The following MACF1 variants were observed in gnomAD, a reference collection of about 807,000 sequenced individuals.
MACF1 encodes the protein microtubule actin crosslinking factor 1, also known as microtubule-actin cross-linking factor 1.
A neutral mutation model predicts 854.8 loss-of-function variants in MACF1; 193 were observed. That is an observed-to-expected ratio of 0.23 (90% confidence interval 0.20 to 0.25). The LOEUF (loss-of-function observed/expected upper bound fraction) is 0.25. Ranked by LOEUF, MACF1 falls within the 10% of genes least tolerant of loss-of-function variation. The pLI is 1.00. For synonymous variants in MACF1, 3,185 were observed against 3,226.7 expected, an observed-to-expected ratio of 0.99 and a Z score of 0.44; for missense variants, 7,722 against 8,929.1, an observed-to-expected ratio of 0.86 and a Z score of 5.45.
intron 85 of MACF1, among the ~76,000 whole-genome samples, chr1:39,451,647 C>T (rs970867785): frequency 1.3e-5 from 2 of 152,002 alleles, no homozygotes; most frequent in Non-Finnish European, 2.9e-5. Flanking sequence ...TATGTAATAT[C>T]CTCCTGTTTC....
intron 50 of MACF1, among the ~76,000 whole-genome samples, chr1:39,368,988 C>T (rs1648985570): frequency 6.7e-6 from 1 of 148,300 alleles, no homozygotes; most frequent in Admixed American, 6.8e-5. Flanking sequence ...GTGATGTTGG[C>T]AGTCCCCTGG....
intron 66 of MACF1, 54 bp from the exon 67 acceptor site, chr1:39,432,481 T>C (rs1306645751): frequency 1.1e-5 from 18 of 1,567,608 alleles, no homozygotes; most frequent in East Asian, 4.5e-5. Flanking sequence ...ATTGCAGTTA[T>C]GTGGAGACTT....
intron 2 of MACF1, among the ~76,000 whole-genome samples, chr1:39,086,125 G>A (rs748677660): frequency 3.3e-5 from 5 of 152,198 alleles, no homozygotes; most frequent in African/African-American, 4.8e-5. Context: ...TTGAGCCCCC[G>A]AGGGCTGCAC....
At chr1:39,162,198 C>T (rs1250506711) in intron 2 of MACF1, among the ~76,000 whole-genome samples, 1 of 152,024 alleles carries the variant, frequency 6.6e-6, no homozygotes, top group East Asian at 1.9e-4. Flanking sequence ...GATGGGGTTT[C>T]GCCATGTTGG....
intron 6 of MACF1, among the ~76,000 whole-genome samples, chr1:39,259,283 C>CT (rs577809679): frequency 1.3e-4 from 19 of 151,204 alleles, no homozygotes; most frequent in Non-Finnish European, 2.1e-4. Context: ...AATTAATTTC[C>CT]TTTTTTTTTG....
At chr1:39,375,466 T>C (rs1217430234) in intron 52 of MACF1, among the ~76,000 whole-genome samples, 1 of 152,100 alleles carries the variant, frequency 6.6e-6, no homozygotes, top group African/African-American at 2.4e-5. Flanking sequence ...CACGCCTGGC[T>C]AATTTTTTGT....
chr1:39,231,216 C>T lies in MACF1; in HGVS notation c.144C>T (p.Thr48=). ...ERDRVQKKTF[T]KWVNKHLMKV... The stretch of plus-strand genomic sequence containing the variant: ...ACCGGGTTCAGAAGAAAACGTTCAC[C>T]AAGTGGGTCAACAAGCACTTAATGA... Residue 48 remains threonine, a synonymous_variant, in exon 2 of 101, where the codon ACC becomes ACT. Coordinates refer to ENST00000564288, the MANE Select transcript of MACF1 (RefSeq NM_001394062.1). 1 of 1,614,134 alleles carries T rather than the reference C, an allele frequency of 6.2e-7. No homozygotes were observed. Among genetic ancestry groups the T allele is most frequent in the East Asian group, 2.2e-5 (1 of 44,890 alleles).
At chr1:39,313,200 A>G (rs1334943326) in intron 26 of MACF1, among the ~76,000 whole-genome samples, 2 of 152,214 alleles carry the variant, frequency 1.3e-5, no homozygotes, top group African/African-American at 4.8e-5. Flanking sequence ...GGAATCCTGC[A>G]GAAGTGATAC....
At chr1:39,340,979 C>T (rs554844403) in intron 40 of MACF1, 26 bp downstream of exon 40, 1 of 1,557,538 alleles carries the variant, frequency 6.4e-7, no homozygotes, top group Non-Finnish European at 8.7e-7. Context: ...TTTTCTTTGT[C>T]CTTTGAGTTG....
intron 6 of MACF1, among the ~76,000 whole-genome samples, chr1:39,278,835 C>T (rs1645489521): frequency 6.6e-6 from 1 of 152,184 alleles, no homozygotes; most frequent in South Asian, 2.1e-4. Flanking sequence ...CATAGCTTCT[C>T]TCCCCACTAC....
At chr1:39,375,016 A>C (rs1018021291) in intron 52 of MACF1, among the ~76,000 whole-genome samples, 5 of 147,370 alleles carry the variant, frequency 3.4e-5, no homozygotes, top group African/African-American at 1.3e-4. Context: ...AGGCTGAGGC[A>C]GGAGAATGGC....
At chr1:39,426,318 A>T (rs1444122516) in intron 61 of MACF1, among the ~76,000 whole-genome samples, 1 of 152,110 alleles carries the variant, frequency 6.6e-6, no homozygotes, top group Non-Finnish European at 1.5e-5. Context: ...TATTTAAACC[A>T]CTTCTTATTA....
In MACF1 at chr1:39,285,066, AAG is replaced by A; in HGVS notation, c.1132-14_1132-13del. ...GGGCATGGCTGTGTTTTTGGACTGA[AAG>A]AGTATCTGTTTCAGGTGTGGATTGA... On this transcript the variant is annotated splice_polypyrimidine_tract_variant and intron_variant, in intron 11 of 100. Transcript: ENST00000564288. 1 of 1,613,532 alleles carries A rather than the reference AAG, an allele frequency of 6.2e-7. No individual in the cohort carries two copies. The highest frequency in any genetic ancestry group is 8.5e-7 in the Non-Finnish European group (1 of 1,179,562).
At chr1:39,156,308 C>G (rs1345561414) in intron 2 of MACF1, among the ~76,000 whole-genome samples, 1 of 152,170 alleles carries the variant, frequency 6.6e-6, no homozygotes, top group Non-Finnish European at 1.5e-5. Flanking sequence ...CACTCCTGGC[C>G]TATGACTTAG....
chr1:39,484,657 T>C lies in MACF1; in HGVS notation c.22338T>C (p.Ser7446=). 6.2e-7 allele frequency: 1 copy of C among 1,614,116 alleles called. No individual in the cohort carries two copies. Among genetic ancestry groups the C allele is most frequent in the Non-Finnish European group, 8.5e-7 (1 of 1,179,960 alleles). The part of the protein sequence containing the change: ...LKRPTPTFHS[S]RTSLAGDTSN... ...GACCAACACCAACTTTTCATTCTAGTCGGACATCCCTTGCTGGTGATACCA... is the reference window on the plus strand; with the variant it reads ...GACCAACACCAACTTTTCATTCTAGCCGGACATCCCTTGCTGGTGATACCA... Residue 7446 remains serine (S), a synonymous_variant, in exon 100 of 101, where the codon AGT becomes AGC. Transcript: ENST00000564288.
intron 84 of MACF1, among the ~76,000 whole-genome samples, chr1:39,449,484 C>T (rs112967561): frequency 0.031 from 4,683 of 151,470 alleles, 212 homozygotes; most frequent in African/African-American, 0.11. Flanking sequence ...CTGCAAGCTC[C>T]GCCTCCCAGG....
At chr1:39,298,633 TTTTTTA>T (rs1645974506) in intron 21 of MACF1, 2 of 435,514 alleles carry the variant, frequency 4.6e-6, no homozygotes, top group Admixed American at 5.1e-5. Context: ...GAATTTAAGT[TTTTTTA>T]TTTTTATTTT....
At chr1:39,297,559 G>T in intron 20 of MACF1, 61 bp from the exon 21 acceptor site, 1 of 1,601,396 alleles carries the variant, frequency 6.2e-7, no homozygotes, top group Non-Finnish European at 8.5e-7. Flanking sequence ...TTCTTTCTTA[G>T]TTAATATTCC....
Position 39,486,070 on chromosome 1 carries a change from T to TAAA in MACF1, c.*286_*288dup. ...AAAAGGTCAAGATACAAATGTGTAT[T>TAAA]AAAAAAAAAAAAGCCTATTAATAGG... On this transcript the variant is annotated 3_prime_UTR_variant, in exon 101 of 101. Transcript: ENST00000564288. 1 of 231,462 alleles carries TAAA rather than the reference T, an allele frequency of 4.3e-6. No homozygotes were observed. The highest frequency in any genetic ancestry group is 8.0e-6 in the Non-Finnish European group (1 of 124,282). 14.3% of individuals were successfully genotyped at this position (231,462 alleles called of 1,614,324 possible).
Sources: allele counts gnomAD v4.1 joint callset (sites outside exome capture counted in the v4.1 genomes callset), GRCh38; gene constraint gnomAD v4.1.1; transcripts MANE v1.5; gene names NCBI Gene and HGNC (gene_info 2026-07-23, HGNC 2026-07-21).